BCAS3: variants seen among roughly 807,000 people sequenced by gnomAD.
BCAS3 encodes the protein BCAS4/BCAS3 fusion.
BCAS3 carries 53 observed loss-of-function variants against 116.1 expected under a neutral mutation model. The observed-to-expected ratio is 0.46, with a 90% CI of 0.37 to 0.57. The LOEUF (loss-of-function observed/expected upper bound fraction) is 0.57, where lower values mean the gene tolerates loss of function less well. Ranked by LOEUF, BCAS3 falls within the 20% of genes least tolerant of loss-of-function variation. BCAS3 has a pLI of 0.00. For synonymous variants in BCAS3, 391 were observed against 408.2 expected, an observed-to-expected ratio of 0.96 and a Z score of 0.51; for missense variants, 917 against 1,165.4, an observed-to-expected ratio of 0.79 and a Z score of 3.10.
intron 4 of BCAS3, among the ~76,000 whole-genome samples, chr17:60,699,879 A>AG (rs2036155784): frequency 6.7e-6 from 1 of 149,820 alleles, no homozygotes; most frequent in East Asian, 1.9e-4. Context: ...AAAAAAAAAA[A>AG]AAGAGCAGTT....
rs1327741593 is a variant in BCAS3 at position 61,078,340 on chromosome 17, T to C, written c.2138T>C (p.Ile713Thr). 6.2e-7 allele frequency: 1 copy of C among 1,611,600 alleles called. No individual in the cohort carries two copies. The highest frequency in any genetic ancestry group is 8.5e-7 in the Non-Finnish European group (1 of 1,179,150). Reference sequence around the variant, plus strand: ...ATTGCTACTCCATTCCAGGTTGAAATTGTAACACACACTGGACCCCATAGA... The same window carrying C: ...ATTGCTACTCCATTCCAGGTTGAAACTGTAACACACACTGGACCCCATAGA... Reference protein sequence around the residue: ...EDEEWLSQVEIVTHTGPHRRL... With the variant: ...EDEEWLSQVETVTHTGPHRRL... The change falls in exon 21 of 24, where the codon ATT (isoleucine) becomes ACT (threonine). Residue 713 changes from isoleucine to threonine, a missense_variant. Transcript: ENST00000407086.
chr17:60,799,970 T>C (rs1368660358), intron 6 of BCAS3, among the ~76,000 whole-genome samples: 1 of 152,160 alleles, frequency 6.6e-6, no homozygotes, highest in Non-Finnish European at 1.5e-5. Flanking sequence ...CTGGTATGGA[T>C]GTACCATTCA....
rs568266080 is a variant in BCAS3, at chr17:61,327,730, G to A, written c.2426-40597G>A. On this transcript the variant is annotated intron_variant, in intron 22 of 23. Transcript: ENST00000407086. The surrounding 1 kb of genome is among the most constrained non-coding windows in gnomAD (Gnocchi z 5.9). Reference sequence around the variant, plus strand: ...TCACCATGTTGGCCAGGCAGGTCTCGAACTTCTGGCCTCAAGTGGTCCAGC... The same window carrying A: ...TCACCATGTTGGCCAGGCAGGTCTCAAACTTCTGGCCTCAAGTGGTCCAGC... Among the ~76,000 whole-genome samples the A allele has an allele frequency of 6.6e-6, 1 of 152,170 alleles. No individual in the cohort carries two copies. Among genetic ancestry groups the A allele is most frequent in the African/African-American group, 2.4e-5 (1 of 41,520 alleles).
rs1042762279 is a variant in BCAS3 at position 60,961,745 on chromosome 17, A to G, written c.1221+14393A>G. On this transcript the variant is annotated intron_variant, in intron 14 of 23. Coordinates refer to ENST00000407086, the MANE Select transcript of BCAS3 (RefSeq NM_017679.5). This position sits in a 1 kb window ranked among gnomAD's most constrained non-coding sequence, Gnocchi z 4.8. Reference sequence around the variant, plus strand: ...CACTTCCTGGCCTCTGATAACTGCCATTCTACTCTCTATCTTCATGAGGCC... The same window carrying G: ...CACTTCCTGGCCTCTGATAACTGCCGTTCTACTCTCTATCTTCATGAGGCC... 6.6e-6 allele frequency among the ~76,000 whole-genome samples: 1 copy of G among 150,892 alleles called. No individual in the cohort carries two copies. Among genetic ancestry groups the G allele is most frequent in the African/African-American group, 2.4e-5 (1 of 41,000 alleles).
chr17:61,313,381 G>A lies in BCAS3; in HGVS notation c.2426-54946G>A, dbSNP rs1323574913. On this transcript the variant is annotated intron_variant, in intron 22 of 23. Transcript: ENST00000407086. This position sits in a 1 kb window ranked among gnomAD's most constrained non-coding sequence, Gnocchi z 4.3. ...TCTGCGGTTCTACTTAAAATATGAG[G>A]AAACATCTGGAATATTAGTTTTCAA... Among the ~76,000 whole-genome samples, 2 of 152,162 alleles carry A rather than the reference G, an allele frequency of 1.3e-5. No homozygotes were observed. Among genetic ancestry groups the A allele is most frequent in the Non-Finnish European group, 2.9e-5 (2 of 68,034 alleles).
Position 60,960,939 on chromosome 17 carries a change from T to A in BCAS3, c.1221+13587T>A, listed in dbSNP as rs1029601902. Among the ~76,000 whole-genome samples the A allele has an allele frequency of 3.3e-5, 5 of 152,126 alleles. No individual in the cohort carries two copies. Among genetic ancestry groups the A allele is most frequent in the Non-Finnish European group, 7.3e-5 (5 of 68,028 alleles). On this transcript the variant is annotated intron_variant, in intron 14 of 23. Coordinates refer to ENST00000407086, the MANE Select transcript of BCAS3 (RefSeq NM_017679.5). The surrounding 1 kb of genome is among the most constrained non-coding windows in gnomAD (Gnocchi z 4.1). ...ACTCCACAGATCTTTCTTGCATTTG[T>A]CTCTCTATTCCTGGCTTCTGCTGAT...
At chr17:60,760,915 T>G (rs1295412927) in intron 6 of BCAS3, among the ~76,000 whole-genome samples, 1 of 152,130 alleles carries the variant, frequency 6.6e-6, no homozygotes, top group African/African-American at 2.4e-5. Context: ...CATCCTTTTT[T>G]CTTTATTTTT....
chr17:60,764,219 A>C (rs1178169441), intron 6 of BCAS3, among the ~76,000 whole-genome samples: 1 of 147,688 alleles, frequency 6.8e-6, no homozygotes, highest in African/African-American at 2.6e-5. Flanking sequence ...GATCTTAGTT[A>C]TTTCTTGCCT....
chr17:61,260,394 T>C (rs1420533254), intron 22 of BCAS3, among the ~76,000 whole-genome samples: 1 of 152,256 alleles, frequency 6.6e-6, no homozygotes, highest in Non-Finnish European at 1.5e-5. Context: ...CTGTTTATAC[T>C]GACACAAGGT....
chr17:60,714,545 T>C (rs1156924302), intron 5 of BCAS3, among the ~76,000 whole-genome samples: 1 of 151,904 alleles, frequency 6.6e-6, no homozygotes, highest in Admixed American at 6.6e-5. Context: ...CCCAGCTACT[T>C]TGGAGGCTGA....
In BCAS3 at chr17:61,136,502, G is replaced by GC. The variant is rs2076648637; in HGVS notation, c.2425+51943dup. 1.3e-5 allele frequency among the ~76,000 whole-genome samples: 2 copies of GC among 152,134 alleles called. No individual in the cohort carries two copies. On this transcript the variant is annotated intron_variant, in intron 22 of 23. Transcript: ENST00000407086. This position sits in a 1 kb window ranked among gnomAD's most constrained non-coding sequence, Gnocchi z 4.4. The stretch of plus-strand genomic sequence containing the variant: ...GCCTCTACCCGTTAGATAGCAGCAC[G>GC]CCCCCTTCCCTCAGATGCCTCCAAA...
chr17:60,712,164 C>CAAAACAAAAACA (rs149887243), intron 5 of BCAS3, among the ~76,000 whole-genome samples: 14,479 of 145,764 alleles, frequency 0.099, 2,223 homozygotes, highest in African/African-American at 0.33. Context: ...GACTCTGTCT[C>CAAAACAAAAACA]AAAACAAAAA....
intron 5 of BCAS3, among the ~76,000 whole-genome samples, chr17:60,724,449 A>T (rs1598310380): frequency 7.3e-6 from 1 of 136,634 alleles, no homozygotes; most frequent in Admixed American, 7.4e-5. Flanking sequence ...AAAAGGCCGG[A>T]TGCGGTGGCT....
At position 61,339,839 on chromosome 17, in the gene BCAS3, A is replaced by G. The variant is rs1027669395; in HGVS notation, c.2426-28488A>G. 1.3e-5 allele frequency among the ~76,000 whole-genome samples: 2 copies of G among 151,328 alleles called. No individual in the cohort carries two copies. The highest frequency in any genetic ancestry group is 2.4e-5 in the African/African-American group (1 of 41,232). On this transcript the variant is annotated intron_variant, in intron 22 of 23. Coordinates refer to ENST00000407086, the MANE Select transcript of BCAS3 (RefSeq NM_017679.5). The surrounding 1 kb of genome is among the most constrained non-coding windows in gnomAD (Gnocchi z 4.4). ...AGACTGCAAAGTAGCGGCCGGAAAGATGGGAGGAAAACCAGGTGAGTGTGC... is the reference window on the plus strand; with the variant it reads ...AGACTGCAAAGTAGCGGCCGGAAAGGTGGGAGGAAAACCAGGTGAGTGTGC...
chr17:60,898,506 G>T (rs2057663548), intron 10 of BCAS3, among the ~76,000 whole-genome samples: 1 of 152,080 alleles, frequency 6.6e-6, no homozygotes, highest in Non-Finnish European at 1.5e-5. Flanking sequence ...ATGAATTAGG[G>T]TGTGATTATT....
intron 14 of BCAS3, among the ~76,000 whole-genome samples, chr17:60,978,997 G>A (rs1162584484): frequency 7.4e-6 from 1 of 135,742 alleles, no homozygotes; most frequent in Non-Finnish European, 1.6e-5. Flanking sequence ...CTCTTTTTTG[G>A]TTCCATATGA....
chr17:60,792,205 G>A (rs2046833703), intron 6 of BCAS3, among the ~76,000 whole-genome samples: 1 of 152,222 alleles, frequency 6.6e-6, no homozygotes. Flanking sequence ...TGGTGGCCAT[G>A]GCAGTGGCTG....
chr17:60,844,820 G>A (rs75488268), intron 7 of BCAS3, among the ~76,000 whole-genome samples: 1 of 152,174 alleles, frequency 6.6e-6, no homozygotes, highest in East Asian at 1.9e-4. Context: ...GTGAGTAGAC[G>A]TGAGGATGGA....
intron 7 of BCAS3, among the ~76,000 whole-genome samples, chr17:60,836,423 TA>T (rs1402073873): frequency 1.3e-5 from 2 of 152,152 alleles, no homozygotes; most frequent in African/African-American, 2.4e-5. Flanking sequence ...GCTTATACGG[TA>T]GTTCTTTTTA....
Sources: allele counts gnomAD v4.1 joint callset (sites outside exome capture counted in the v4.1 genomes callset), GRCh38; gene constraint gnomAD v4.1.1; non-coding constraint Gnocchi (gnomAD v3.1); transcripts MANE v1.5; gene names NCBI Gene and HGNC (gene_info 2026-07-23, HGNC 2026-07-21).